PCDH15: variants seen among roughly 807,000 people sequenced by gnomAD.
PCDH15 encodes protocadherin-15.
PCDH15 carries 129 observed loss-of-function variants against 178.5 expected under a neutral mutation model. The ratio of observed to expected loss-of-function variants is 0.72; its 90% CI spans 0.63 to 0.84. The LOEUF (loss-of-function observed/expected upper bound fraction) is 0.84, where lower values mean the gene tolerates loss of function less well. Among genes scored for constraint, PCDH15 ranks in the 40% least tolerant of loss-of-function variants. PCDH15 has a pLI of 0.00. For synonymous variants in PCDH15, 800 were observed against 732.0 expected (o/e 1.09, Z -1.50); for missense variants, 2,230 against 2,099.9 (o/e 1.06, Z -1.21).
intron 2 of PCDH15, among the ~76,000 whole-genome samples, chr10:55,123,803 T>A (rs756987662): frequency 2.0e-5 from 3 of 152,194 alleles, no homozygotes. Context: ...CATGGGCTCC[T>A]GCTCTCCATT....
At chr10:55,504,649 A>G (rs1485372768) in intron 2 of PCDH15, among the ~76,000 whole-genome samples, 1 of 151,392 alleles carries the variant, frequency 6.6e-6, no homozygotes, top group African/African-American at 2.4e-5. Context: ...ACCCAAATAC[A>G]TATCAAATGG....
intron 1 of PCDH15, among the ~76,000 whole-genome samples, chr10:55,302,589 A>G (rs1413905926): frequency 1.3e-5 from 2 of 152,096 alleles, no homozygotes; most frequent in East Asian, 3.9e-4. Context: ...TTAAGGCTTC[A>G]AGTGGTTGGA....
chr10:55,474,735 T>C (rs373343992), intron 2 of PCDH15, among the ~76,000 whole-genome samples: 4 of 152,148 alleles, frequency 2.6e-5, no homozygotes, highest in African/African-American at 9.6e-5. Context: ...CAATTGCAGC[T>C]GTTAGGCTCA....
intron 17 of PCDH15, 140 bp from the exon 18 acceptor site, chr10:54,067,025 A>T (rs945407693): frequency 4.2e-5 from 29 of 684,584 alleles, no homozygotes; most frequent in South Asian, 7.9e-5. Context: ...AAATAAAAAT[A>T]AAAAAATAAA....
intron 26 of PCDH15, among the ~76,000 whole-genome samples, chr10:53,869,569 A>G (rs2079687269): frequency 6.6e-6 from 1 of 152,202 alleles, no homozygotes; most frequent in Admixed American, 6.5e-5. Flanking sequence ...CAAACATGCA[A>G]AAAGTGTACA....
At chr10:54,814,783 C>T (rs1031224510) in intron 3 of PCDH15, among the ~76,000 whole-genome samples, 2 of 152,018 alleles carry the variant, frequency 1.3e-5, no homozygotes, top group African/African-American at 4.8e-5. Flanking sequence ...TAAATAATTC[C>T]CACATGCTTA....
At chr10:54,865,101 G>A (rs1350849703) in intron 3 of PCDH15, among the ~76,000 whole-genome samples, 1 of 152,132 alleles carries the variant, frequency 6.6e-6, no homozygotes, top group Non-Finnish European at 1.5e-5. Flanking sequence ...GTAAAGTATT[G>A]TTTCTGGGTA....
intron 19 of PCDH15, among the ~76,000 whole-genome samples, chr10:54,021,138 A>C (rs2092908835): frequency 6.6e-6 from 1 of 152,084 alleles, no homozygotes; most frequent in Admixed American, 6.6e-5. Context: ...GCTATCTAAA[A>C]GATGTTCTAA....
intron 2 of PCDH15, among the ~76,000 whole-genome samples, chr10:55,007,608 CTTGT>C (rs993861384): frequency 1.3e-5 from 2 of 151,914 alleles, no homozygotes; most frequent in African/African-American, 4.8e-5. Flanking sequence ...TGTTCTTTTT[CTTGT>C]TTGTTTGTTC....
At chr10:53,914,469 A>G (rs1226073267) in intron 25 of PCDH15, among the ~76,000 whole-genome samples, 1 of 152,230 alleles carries the variant, frequency 6.6e-6, no homozygotes, top group Non-Finnish European at 1.5e-5. Context: ...TTGGAGGGAC[A>G]TGGATGAAGT....
At chr10:54,674,422 G>A (rs552889623) in intron 1 of PCDH15, among the ~76,000 whole-genome samples, 2 of 152,192 alleles carry the variant, frequency 1.3e-5, no homozygotes, top group East Asian at 1.9e-4. Flanking sequence ...TGTATGAAAT[G>A]TATAGTCTAG....
intron 2 of PCDH15, among the ~76,000 whole-genome samples, chr10:55,387,001 TAAC>T (rs1837678507): frequency 6.6e-6 from 1 of 152,118 alleles, no homozygotes; most frequent in Non-Finnish European, 1.5e-5. Flanking sequence ...GAGAAACTAT[TAAC>T]AATAACATAT....
At chr10:54,622,083 TA>T (rs1565774059) in intron 2 of PCDH15, among the ~76,000 whole-genome samples, 1 of 151,198 alleles carries the variant, frequency 6.6e-6, no homozygotes, top group African/African-American at 2.4e-5. Flanking sequence ...GAGTGATATA[TA>T]GTAAGAATGA....
intron 2 of PCDH15, among the ~76,000 whole-genome samples, chr10:55,612,370 AT>A (rs1236915298): frequency 6.6e-6 from 1 of 152,074 alleles, no homozygotes; most frequent in Non-Finnish European, 1.5e-5. Flanking sequence ...TAGATTTTTC[AT>A]TTTCTATTAT....
chr10:55,447,639 G>A (rs1044342079), intron 2 of PCDH15, among the ~76,000 whole-genome samples: 36 of 151,688 alleles, frequency 2.4e-4, no homozygotes, highest in African/African-American at 8.2e-4. Context: ...AAACTAAACC[G>A]AAGAAAAAAT....
intron 3 of PCDH15, among the ~76,000 whole-genome samples, chr10:54,429,735 A>C (rs1014486588): frequency 2.0e-5 from 3 of 152,180 alleles, no homozygotes; most frequent in African/African-American, 7.2e-5. Context: ...TAAGAAGAGA[A>C]AAAGAAGGTA....
chr10:54,768,474 A>G (rs1451432045), intron 1 of PCDH15, among the ~76,000 whole-genome samples: 2 of 152,168 alleles, frequency 1.3e-5, no homozygotes, highest in Non-Finnish European at 2.9e-5. Context: ...TTAGGAACAT[A>G]GTTCAAGGCT....
chr10:54,195,665 AAT>A lies in PCDH15; in HGVS notation c.1305+16_1305+17del, dbSNP rs2049528786. 6.3e-7 allele frequency: 1 copy of A among 1,597,814 alleles called. No homozygotes were observed. Among genetic ancestry groups the A allele is most frequent in the Non-Finnish European group, 8.6e-7 (1 of 1,165,796 alleles). On this transcript the variant is annotated intron_variant, in intron 11 of 37. Transcript: ENST00000644397. ...AGATTTGTTACACAAACAAGAGCAA[AAT>A]ATGTATTTAACTTACATCTTCTATG...
At chr10:54,097,472 T>TA (rs2136118881) in intron 15 of PCDH15, among the ~76,000 whole-genome samples, 2 of 152,196 alleles carry the variant, frequency 1.3e-5, no homozygotes, top group East Asian at 3.9e-4. Flanking sequence ...CTTTGTGAAA[T>TA]AATCACTATC....
Sources: gnomAD v4.1 joint callset for allele counts (sites outside exome capture counted in the v4.1 genomes callset) on GRCh38, gnomAD v4.1.1 for gene constraint, MANE v1.5 for transcripts, NCBI Gene and HGNC (gene_info 2026-07-23, HGNC 2026-07-21) for gene names.